The following CADM1 variants were observed in gnomAD, a reference collection of about 807,000 sequenced individuals.
CADM1 encodes TSLC-1.
In CADM1, 15 loss-of-function variants were observed where a neutral mutation model predicts 53.1. The observed-to-expected ratio is 0.28, with a 90% confidence interval of 0.19 to 0.44. CADM1 has a LOEUF of 0.44. Ranked by LOEUF, CADM1 falls within the 20% of genes least tolerant of loss-of-function variation. The pLI is 1.00. For synonymous variants in CADM1, 281 were observed against 243.0 expected, an observed-to-expected ratio of 1.16 and a Z score of -1.45; for missense variants, 434 against 611.3, an observed-to-expected ratio of 0.71 and a Z score of 3.06.
Position 115,176,238 on chromosome 11 carries a change from G to T in CADM1, c.*236C>A. ...CAAGTATCCAAGTTTGACTTGGTAG[G>T]AAGAAATAAAAATTAAACAAACAAA... On this transcript the variant is annotated 3_prime_UTR_variant, in exon 12 of 12. Transcript: ENST00000331581. The T allele has an allele frequency of 7.9e-7, 1 of 1,273,518 alleles. No individual in the cohort carries two copies. Among genetic ancestry groups the T allele is most frequent in the Non-Finnish European group, 1.0e-6 (1 of 998,040 alleles). The allele number at this position is 1,273,518 out of a possible 1,614,324, so 78.9% of individuals were successfully genotyped here. A position where few individuals can be genotyped will look rare whatever the true frequency, so the allele number is the denominator to read the frequency against.
Position 115,209,442 on chromosome 11 carries a change from G to T in CADM1, c.1078+132C>A, listed in dbSNP as rs139594120. 3.8e-6 allele frequency: 5 copies of T among 1,309,244 alleles called. No homozygotes were observed. The Admixed American group carries it at 9.3e-5, about 24-fold the overall frequency. 81.1% of individuals were successfully genotyped at this position (1,309,244 alleles called of 1,614,324 possible). On this transcript the variant is annotated intron_variant, in intron 8 of 11. Coordinates refer to ENST00000331581, the MANE Select transcript of CADM1 (RefSeq NM_001301043.2). ...TCAACTTAAGAACATAGTATCTAAT[G>T]TCGTTGGAGTTCCAAAATAAAGGAA...
At chr11:115,441,120 T>TG (rs1948300290) in intron 1 of CADM1, among the ~76,000 whole-genome samples, 1 of 150,122 alleles carries the variant, frequency 6.7e-6, no homozygotes, top group Non-Finnish European at 1.5e-5. Context: ...TTTTTTCTTC[T>TG]GGGAAAAAAA....
chr11:115,449,039 AG>A (rs1948513637), intron 1 of CADM1, among the ~76,000 whole-genome samples: 1 of 152,168 alleles, frequency 6.6e-6, no homozygotes, highest in Non-Finnish European at 1.5e-5. Flanking sequence ...AGAGACCAAG[AG>A]GGAAAAAATA....
At chr11:115,344,316 A>C (rs772959997) in intron 1 of CADM1, among the ~76,000 whole-genome samples, 7 of 152,192 alleles carry the variant, frequency 4.6e-5, no homozygotes, top group Admixed American at 6.5e-5. Context: ...CTTCAATGTC[A>C]TATCTTTGTT....
Position 115,172,335 on chromosome 11 carries a change from C to A in CADM1, c.*4139G>T, listed in dbSNP as rs12225960. The A allele has an allele frequency of 6.6e-6, 1 of 151,960 alleles. No homozygotes were observed. The highest frequency in any genetic ancestry group is 1.5e-5 in the Non-Finnish European group (1 of 68,010). The allele number at this position is 151,960 out of a possible 1,614,324, so 9.4% of individuals were successfully genotyped here. ...TATCGAGTCCTCTGCCCGGACTTTT[C>A]AGTACAGCCACAAGACCCATCCCAC... On this transcript the variant is annotated 3_prime_UTR_variant, in exon 12 of 12. Transcript: ENST00000331581.
At chr11:115,317,267 C>A (rs1212068970) in intron 1 of CADM1, among the ~76,000 whole-genome samples, 1 of 152,120 alleles carries the variant, frequency 6.6e-6, no homozygotes, top group African/African-American at 2.4e-5. Context: ...CGTGGACAGT[C>A]TTTAAAGGGT....
At position 115,176,453 on chromosome 11, in the gene CADM1, C is replaced by T; in HGVS notation, c.*21G>A. On this transcript the variant is annotated 3_prime_UTR_variant, in exon 12 of 12. Coordinates refer to ENST00000331581, the MANE Select transcript of CADM1 (RefSeq NM_001301043.2). Reference sequence around the variant, plus strand: ...TCTAAATAGGGCCAGTTGGACACCTCATTGAAACAAAAAGGCTGATCTAGA... The same window carrying T: ...TCTAAATAGGGCCAGTTGGACACCTTATTGAAACAAAAAGGCTGATCTAGA... The T allele has an allele frequency of 6.2e-7, 1 of 1,613,220 alleles. No individual in the cohort carries two copies.
chr11:115,329,057 C>T (rs1438181296), intron 1 of CADM1, among the ~76,000 whole-genome samples: 7 of 151,796 alleles, frequency 4.6e-5, no homozygotes, highest in Admixed American at 6.6e-5. Flanking sequence ...CTTTCAACCA[C>T]CACTTAACTA....
At chr11:115,444,528 A>C (rs1948404612) in intron 1 of CADM1, among the ~76,000 whole-genome samples, 1 of 152,194 alleles carries the variant, frequency 6.6e-6, no homozygotes, top group African/African-American at 2.4e-5. Context: ...TTTTCCGAAC[A>C]GTGAAAATAA....
chr11:115,200,787 C>G (rs1213227068), intron 8 of CADM1, among the ~76,000 whole-genome samples: 1 of 152,178 alleles, frequency 6.6e-6, no homozygotes, highest in Non-Finnish European at 1.5e-5. Flanking sequence ...AGGCACCGTG[C>G]CCGGCATAAG....
At chr11:115,306,072 C>CCACACACACACTCACACACA (rs1944361901) in intron 1 of CADM1, among the ~76,000 whole-genome samples, 1 of 130,390 alleles carries the variant, frequency 7.7e-6, no homozygotes, top group African/African-American at 2.9e-5. Context: ...AGGATATATA[C>CCACACACACACTCACACACA]CACACACACA....
chr11:115,317,857 G>A (rs1171972931), intron 1 of CADM1, among the ~76,000 whole-genome samples: 2 of 152,122 alleles, frequency 1.3e-5, no homozygotes, highest in Admixed American at 6.6e-5. Context: ...GTAGGACATT[G>A]CCTATGAAAA....
At chr11:115,404,629 A>G (rs1947266456) in intron 1 of CADM1, among the ~76,000 whole-genome samples, 1 of 150,604 alleles carries the variant, frequency 6.6e-6, no homozygotes, top group Non-Finnish European at 1.5e-5. Flanking sequence ...AAAAAAAACA[A>G]GCCATATACT....
At chr11:115,300,359 A>G (rs577590803) in intron 1 of CADM1, among the ~76,000 whole-genome samples, 4 of 152,254 alleles carry the variant, frequency 2.6e-5, no homozygotes, top group Admixed American at 2.6e-4. Context: ...TCACTTTAAA[A>G]ACAGATCCCA....
chr11:115,236,565 T>A (rs1942018125), intron 3 of CADM1, among the ~76,000 whole-genome samples: 1 of 152,180 alleles, frequency 6.6e-6, no homozygotes, highest in South Asian at 2.1e-4. Context: ...GCATAATGCC[T>A]CTCAAAATTC....
intron 1 of CADM1, among the ~76,000 whole-genome samples, chr11:115,282,150 T>C (rs940618533): frequency 7.2e-5 from 11 of 152,250 alleles, no homozygotes; most frequent in Admixed American, 7.2e-4. Context: ...ATGAACCAAG[T>C]ACTATGGTGA....
rs574867724 is a variant in CADM1, at chr11:115,289,752, C to G, written c.125-49332G>C. 2.0e-5 allele frequency among the ~76,000 whole-genome samples: 3 copies of G among 151,898 alleles called. No homozygotes were observed. The South Asian group carries it at 6.2e-4, about 32-fold the overall frequency. ...CTGGGACTATAGGCACCCACCATCA[C>G]GCCCAGCTAATTTTTTGTATTTTTA... On this transcript the variant is annotated intron_variant, in intron 1 of 11. Coordinates refer to ENST00000331581, the MANE Select transcript of CADM1 (RefSeq NM_001301043.2).
intron 1 of CADM1, among the ~76,000 whole-genome samples, chr11:115,311,624 G>T (rs923491291): frequency 6.6e-6 from 1 of 152,032 alleles, no homozygotes; most frequent in African/African-American, 2.4e-5. Context: ...TCTCATTCAG[G>T]CCTCCCAACA....
intron 1 of CADM1, among the ~76,000 whole-genome samples, chr11:115,379,561 C>T (rs1946523661): frequency 6.6e-6 from 1 of 152,186 alleles, no homozygotes; most frequent in Admixed American, 6.5e-5. Flanking sequence ...TGACAAAGTA[C>T]TGCACTAGAT....
Sources: gnomAD v4.1 joint callset for allele counts (sites outside exome capture counted in the v4.1 genomes callset) on GRCh38, gnomAD v4.1.1 for gene constraint, MANE v1.5 for transcripts, NCBI Gene and HGNC (gene_info 2026-07-23, HGNC 2026-07-21) for gene names.